LYN: variants seen among roughly 807,000 people sequenced by gnomAD.
LYN encodes the protein LYN proto-oncogene, Src family tyrosine kinase.
A neutral mutation model predicts 65.0 loss-of-function variants in LYN; 12 were observed. The ratio of observed to expected loss-of-function variants is 0.18; its 90% CI spans 0.12 to 0.30. The LOEUF (loss-of-function observed/expected upper bound fraction) is 0.30, where lower values mean the gene tolerates loss of function less well. Ranked by LOEUF, LYN falls within the 10% of genes least tolerant of loss-of-function variation. LYN has a pLI of 1.00. For synonymous variants in LYN, 222 were observed against 221.2 expected (o/e 1.00, Z -0.03); for missense variants, 380 against 623.2 (o/e 0.61, Z 4.16).
chr8:55,977,648 C>T (rs1807793369), intron 10 of LYN, among the ~76,000 whole-genome samples: 2 of 151,550 alleles, frequency 1.3e-5, no homozygotes, highest in Admixed American at 1.3e-4. Flanking sequence ...CACAGTGGCT[C>T]ATGCCTGTAA....
intron 1 of LYN, among the ~76,000 whole-genome samples, chr8:55,903,245 A>G (rs780366159): frequency 3.9e-5 from 6 of 152,180 alleles, no homozygotes; most frequent in Non-Finnish European, 8.8e-5. Flanking sequence ...CGCCCACCTC[A>G]GCCTCCCAAA....
At chr8:56,001,468 G>A (rs991523136) in intron 12 of LYN, among the ~76,000 whole-genome samples, 2 of 152,142 alleles carry the variant, frequency 1.3e-5, no homozygotes, top group Non-Finnish European at 2.9e-5. Context: ...TTTCATGTGG[G>A]GATGAGCCAC....
intron 10 of LYN, among the ~76,000 whole-genome samples, chr8:55,984,135 C>T (rs1382075776): frequency 1.3e-5 from 2 of 152,114 alleles, no homozygotes; most frequent in Non-Finnish European, 2.9e-5. Flanking sequence ...ATTTAGGGCC[C>T]ACCCTAAATC....
At chr8:55,985,554 G>A (rs960441521) in intron 10 of LYN, among the ~76,000 whole-genome samples, 13 of 152,208 alleles carry the variant, frequency 8.5e-5, no homozygotes, top group Non-Finnish European at 1.8e-4. Flanking sequence ...GAGCCCAGGC[G>A]CTGTCTTTAT....
chr8:55,947,551 C>CTCAT, intron 3 of LYN, 67 bp from the exon 4 acceptor site: 1 of 1,098,556 alleles, frequency 9.1e-7, no homozygotes, highest in African/African-American at 1.5e-5. Context: ...CCTTTGTGCC[C>CTCAT]CATGAGGTTT....
At chr8:55,897,632 T>A (rs1805154148) in intron 1 of LYN, among the ~76,000 whole-genome samples, 1 of 152,120 alleles carries the variant, frequency 6.6e-6, no homozygotes, top group South Asian at 2.1e-4. Context: ...ACTTTTAAGG[T>A]CAGGTGCAGT....
intron 1 of LYN, among the ~76,000 whole-genome samples, chr8:55,893,422 T>C (rs1220583370): frequency 6.6e-6 from 1 of 152,238 alleles, no homozygotes; most frequent in Non-Finnish European, 1.5e-5. Context: ...CTAACTGGGT[T>C]TGTGAATTCA....
chr8:55,920,930 C>A (rs1363283923), intron 1 of LYN, among the ~76,000 whole-genome samples: 1 of 152,142 alleles, frequency 6.6e-6, no homozygotes, highest in Non-Finnish European at 1.5e-5. Context: ...CTCCTGACCT[C>A]AGGTGATCTG....
At position 55,893,173 on chromosome 8, in the gene LYN, G is replaced by C. The variant is rs1294440513; in HGVS notation, c.-6+13070G>C. Reference sequence around the variant, plus strand: ...CGTCCTGTTTTACCCTGGCGATTCAGTTGCTAAAATTCTCACACATGAGTT... The same window carrying C: ...CGTCCTGTTTTACCCTGGCGATTCACTTGCTAAAATTCTCACACATGAGTT... On this transcript the variant is annotated intron_variant, in intron 1 of 12. Transcript: ENST00000519728. Among the ~76,000 whole-genome samples, 4 of 152,210 alleles carry C rather than the reference G, an allele frequency of 2.6e-5. No homozygotes were observed. The East Asian group carries it at 5.8e-4, about 22-fold the overall frequency.
intron 1 of LYN, among the ~76,000 whole-genome samples, chr8:55,914,973 G>A (rs1446456259): frequency 1.3e-5 from 2 of 152,220 alleles, no homozygotes; most frequent in Non-Finnish European, 2.9e-5. Flanking sequence ...CTTTGAATTA[G>A]GGTAATTTAA....
At chr8:55,918,262 C>T (rs1805835731) in intron 1 of LYN, among the ~76,000 whole-genome samples, 1 of 152,224 alleles carries the variant, frequency 6.6e-6, no homozygotes, top group South Asian at 2.1e-4. Flanking sequence ...AGACAGACCA[C>T]CCCATTCCTC....
At chr8:55,958,453 C>T (rs1482535423) in intron 8 of LYN, among the ~76,000 whole-genome samples, 2 of 152,118 alleles carry the variant, frequency 1.3e-5, no homozygotes, top group East Asian at 3.8e-4. Context: ...TTGCTCATTC[C>T]GTTTTTAAAA....
At chr8:55,930,202 C>T (rs1253218402) in intron 1 of LYN, among the ~76,000 whole-genome samples, 5 of 152,328 alleles carry the variant, frequency 3.3e-5, no homozygotes, top group African/African-American at 9.6e-5. Flanking sequence ...CTAACCTAGA[C>T]TCCTGATGAT....
chr8:56,002,367 T>C (rs1476787715), intron 12 of LYN, among the ~76,000 whole-genome samples: 1 of 151,348 alleles, frequency 6.6e-6, no homozygotes, highest in East Asian at 1.9e-4. Flanking sequence ...TGCAGTGAGC[T>C]GAGATCGCGC....
intron 10 of LYN, among the ~76,000 whole-genome samples, chr8:55,987,840 C>T (rs1808124635): frequency 6.6e-6 from 1 of 152,180 alleles, no homozygotes; most frequent in Non-Finnish European, 1.5e-5. Context: ...GTAACCTCTC[C>T]AAGACTCAGC....
At chr8:55,903,623 G>A (rs1805341191) in intron 1 of LYN, among the ~76,000 whole-genome samples, 1 of 152,166 alleles carries the variant, frequency 6.6e-6, no homozygotes, top group African/African-American at 2.4e-5. Context: ...TTTCTATGTT[G>A]ATAATCTAAT....
At chr8:55,917,800 C>A (rs1275170886) in intron 1 of LYN, among the ~76,000 whole-genome samples, 1 of 152,172 alleles carries the variant, frequency 6.6e-6, no homozygotes, top group Non-Finnish European at 1.5e-5. Flanking sequence ...AAGGAATATG[C>A]TTGAGATATT....
intron 1 of LYN, among the ~76,000 whole-genome samples, chr8:55,886,037 A>C (rs1350462703): frequency 6.6e-6 from 1 of 152,152 alleles, no homozygotes; most frequent in Admixed American, 6.5e-5. Context: ...GCCATGCCTG[A>C]CTTTTTCAGC....
intron 12 of LYN, among the ~76,000 whole-genome samples, chr8:56,008,130 A>T (rs542032587): frequency 0.018 from 2,381 of 133,770 alleles, 30 homozygotes; most frequent in Admixed American, 0.02. Context: ...AAAAAAAAAT[A>T]AAATAAAATA....
Sources: allele counts gnomAD v4.1 joint callset (sites outside exome capture counted in the v4.1 genomes callset), GRCh38; gene constraint gnomAD v4.1.1; transcripts MANE v1.5; gene names NCBI Gene and HGNC (gene_info 2026-07-23, HGNC 2026-07-21).